The following OR1G1 variants were observed in gnomAD, a reference collection of about 807,000 sequenced individuals.
OR1G1 encodes olfactory receptor 1G1.
For missense variants in OR1G1, 347 were observed against 375.5 expected, an observed-to-expected ratio of 0.92 and a Z score of 0.63; for synonymous variants, 145 against 149.6, an observed-to-expected ratio of 0.97 and a Z score of 0.22.
At position 3,127,501 on chromosome 17, in the gene OR1G1, GA is replaced by G; in HGVS notation, c.50del (p.Phe17SerfsTer31). 1 of 1,614,120 alleles carries G rather than the reference GA, an allele frequency of 6.2e-7. No homozygotes were observed. Among genetic ancestry groups the G allele is most frequent in the East Asian group, 2.2e-5 (1 of 44,890 alleles). On this transcript the variant is annotated frameshift_variant, in exon 1 of 1. Coordinates refer to ENST00000328890, the MANE Select transcript of OR1G1 (RefSeq NM_003555.1). LOFTEE classifies it low-confidence loss of function (END_TRUNC). ...TSISECFLLG[F>X]SEQLEEQKPL... ...GCTTCTGCTCCTCCAGCTGCTCAGA[GA>G]ACCCCAGGAGGAAACATTCTGAGAT...
At position 3,127,352 on chromosome 17, in the gene OR1G1, G is replaced by C. The variant is rs867437650; in HGVS notation, c.200C>G (p.Ser67Cys). Residue 67 changes from serine (S) to cysteine (C), a missense_variant, in exon 1 of 1, where the codon TCC (serine) becomes TGC (cysteine). Ser to Cys is a moderately radical substitution (Grantham distance 112). Coordinates refer to ENST00000328890, the MANE Select transcript of OR1G1 (RefSeq NM_003555.1). ...GGACACAAAGCAGGCATCTGCAAGG[G>C]AGAGGTTGGCTAGAAAGAAGTACAT... is the stretch of plus-strand genomic sequence containing the variant. ...TPMYFFLANLSLADACFVSTT... is the reference protein window; with the variant it reads ...TPMYFFLANLCLADACFVSTT... The C allele has an allele frequency of 3.1e-6, 5 of 1,614,068 alleles. No individual in the cohort carries two copies. The highest frequency in any genetic ancestry group is 4.2e-6 in the Non-Finnish European group (5 of 1,180,044).
Position 3,127,318 on chromosome 17 carries a change from G to A in OR1G1, c.234C>T (p.Val78=), listed in dbSNP as rs775867084. ...LADACFVSTT[V]PKMLANIQIQ... ...TCTGTATGTTTGCCAGCATCTTAGG[G>A]ACTGTGGTGGACACAAAGCAGGCAT... The change falls in exon 1 of 1, where the codon GTC becomes GTT. Residue 78 remains valine, a synonymous_variant. Coordinates refer to ENST00000328890, the MANE Select transcript of OR1G1 (RefSeq NM_003555.1). The A allele has an allele frequency of 8.1e-6, 13 of 1,614,164 alleles. No individual in the cohort carries two copies. In the South Asian group the frequency reaches 1.4e-4, roughly 18 times the overall value.
At position 3,127,072 on chromosome 17, in the gene OR1G1, T is replaced by C. The variant is rs751976680; in HGVS notation, c.480A>G (p.Thr160=). 6.2e-7 allele frequency: 1 copy of C among 1,613,738 alleles called. No homozygotes were observed. Among genetic ancestry groups the C allele is most frequent in the South Asian group, 1.1e-5 (1 of 91,048 alleles). Residue 160 remains threonine (T), a synonymous_variant, in exon 1 of 1, where the codon ACA becomes ACG. Coordinates refer to ENST00000328890, the MANE Select transcript of OR1G1 (RefSeq NM_003555.1). ...AGAAGGACAGGCTGTTCATCAGAAG[T>C]GTGTGTAGAAGGGAGTGGAGGGCAT... The part of the protein sequence containing the change: ...IMNALHSLLH[T]LLMNSLSFCA...
Position 3,127,106 on chromosome 17 carries a change from C to G in OR1G1, c.446G>C (p.Trp149Ser), listed in dbSNP as rs887092596. The stretch of plus-strand genomic sequence containing the variant: ...AAGGGAGTGGAGGGCATTCATGATC[C>G]AGGATGCAGACACGAGGAAGATGCA... ...GLCIFLVSAS[W>S]IMNALHSLLH... The change falls in exon 1 of 1, where the codon TGG (tryptophan) becomes TCG (serine). Residue 149 changes from tryptophan (W) to serine (S), a missense_variant. By Grantham distance (177) the Trp-to-Ser change is radical. Coordinates refer to ENST00000328890, the MANE Select transcript of OR1G1 (RefSeq NM_003555.1). The G allele has an allele frequency of 1.7e-5, 27 of 1,613,904 alleles. No homozygotes were observed. The highest frequency in any genetic ancestry group is 2.2e-5 in the Non-Finnish European group (26 of 1,180,000).
In OR1G1 at chr17:3,127,436, A is replaced by G. The variant is rs955715100; in HGVS notation, c.116T>C (p.Val39Ala). The change falls in exon 1 of 1, where the codon GTG (valine) becomes GCG (alanine). Residue 39 changes from valine to alanine, a missense_variant. Physicochemically the swap from Val to Ala is moderately conservative, Grantham distance 64. Transcript: ENST00000328890. Reference sequence around the variant, plus strand: ...TAGAATGATGAGGAGGTTGCCTGCCACCGTGACCAAGTACATGAACAGGAA... The same window carrying G: ...TAGAATGATGAGGAGGTTGCCTGCCGCCGTGACCAAGTACATGAACAGGAA... ...GSFLFMYLVTVAGNLLIILVI... is the reference protein window; with the variant it reads ...GSFLFMYLVTAAGNLLIILVI... The G allele has an allele frequency of 7.4e-6, 12 of 1,614,064 alleles. No homozygotes were observed. Among genetic ancestry groups the G allele is most frequent in the Non-Finnish European group, 1.0e-5 (12 of 1,180,004 alleles).
Position 3,126,700 on chromosome 17 carries a change from C to T in OR1G1, c.852G>A (p.Met284Ile). The change falls in exon 1 of 1, where the codon ATG (methionine) becomes ATA (isoleucine). Residue 284 changes from methionine to isoleucine, a missense_variant. Met to Ile is a conservative substitution (Grantham distance 10). Coordinates refer to ENST00000328890, the MANE Select transcript of OR1G1 (RefSeq NM_003555.1). ...ASVMYTVVTP[M>I]LNPFIYSLRN... ...TCAAACTGTAGATAAAGGGATTCAA[C>T]ATTGGAGTTACCACTGTGTACATCA... 6.2e-7 allele frequency: 1 copy of T among 1,613,466 alleles called. No homozygotes were observed.
rs184736029 is a variant in OR1G1, at chr17:3,127,205, G to A, written c.347C>T (p.Ala116Val). ...CACGTAGCAGTCATAGGCCATGACC[G>A]CCAAGAGGAATGCCTCCAGCATCAC... The part of the protein sequence containing the change: ...LFVMLEAFLL[A>V]VMAYDCYVAI... The change falls in exon 1 of 1, where the codon GCG (alanine) becomes GTG (valine). Residue 116 changes from alanine to valine, a missense_variant. By Grantham distance (64) the Ala-to-Val change is moderately conservative. Transcript: ENST00000328890. The A allele has an allele frequency of 5.0e-5, 80 of 1,614,176 alleles. 1 individual carries two copies. Among genetic ancestry groups the A allele is most frequent in the Middle Eastern group, 1.6e-4 (1 of 6,062 alleles).
chr17:3,126,860 G>T lies in OR1G1; in HGVS notation c.692C>A (p.Ala231Asp). ...GGAAAAGGCTTTCCGCTTCCCCTGAGCTGATGGGATCTTCAGGATGGTCGA... is the reference window on the plus strand; with the variant it reads ...GGAAAAGGCTTTCCGCTTCCCCTGATCTGATGGGATCTTCAGGATGGTCGA... The part of the protein sequence containing the change: ...VFSTILKIPS[A>D]QGKRKAFSTC... Residue 231 changes from alanine to aspartate, a missense_variant, in exon 1 of 1, where the codon GCT becomes GAT. Physicochemically the swap from Ala to Asp is moderately radical, Grantham distance 126. Transcript: ENST00000328890. The T allele has an allele frequency of 1.2e-6, 2 of 1,614,160 alleles. No individual in the cohort carries two copies. Among genetic ancestry groups the T allele is most frequent in the South Asian group, 2.2e-5 (2 of 91,076 alleles).
rs1028594282 is a variant in OR1G1 at position 3,127,499 on chromosome 17, G to A, written c.53C>T (p.Ser18Phe). ...SISECFLLGF[S>F]EQLEEQKPLF... ...GGGCTTCTGCTCCTCCAGCTGCTCA[G>A]AGAACCCCAGGAGGAAACATTCTGA... Residue 18 changes from serine (S) to phenylalanine (F), a missense_variant, in exon 1 of 1, where the codon TCT (serine) becomes TTT (phenylalanine). Transcript: ENST00000328890. The A allele has an allele frequency of 6.2e-7, 1 of 1,614,054 alleles. No individual in the cohort carries two copies. The highest frequency in any genetic ancestry group is 1.3e-5 in the African/African-American group (1 of 75,028).
rs2048001068 is a variant in OR1G1 at position 3,127,096 on chromosome 17, A to G, written c.456T>C (p.Asn152=). The change falls in exon 1 of 1, where the codon AAT becomes AAC. Residue 152 remains asparagine (N), a synonymous_variant. Coordinates refer to ENST00000328890, the MANE Select transcript of OR1G1 (RefSeq NM_003555.1). ...GTGTGTGTAGAAGGGAGTGGAGGGC[A>G]TTCATGATCCAGGATGCAGACACGA... ...IFLVSASWIM[N]ALHSLLHTLL... The G allele has an allele frequency of 6.2e-7, 1 of 1,614,034 alleles. No homozygotes were observed. The highest frequency in any genetic ancestry group is 1.3e-5 in the African/African-American group (1 of 75,032).
rs201573244 is a variant in OR1G1, at chr17:3,127,044, C to T, written c.508G>A (p.Ala170Thr). Residue 170 changes from alanine (A) to threonine (T), a missense_variant, in exon 1 of 1, where the codon GCA becomes ACA. By Grantham distance (58) the Ala-to-Thr change is moderately conservative. Coordinates refer to ENST00000328890, the MANE Select transcript of OR1G1 (RefSeq NM_003555.1). ...TLLMNSLSFC[A>T]NHEIPHFFCD... ...AAGAAGTGTGGGATCTCATGGTTTG[C>T]GCAGAAGGACAGGCTGTTCATCAGA... The T allele has an allele frequency of 5.5e-5, 88 of 1,613,878 alleles. No homozygotes were observed. The highest frequency in any genetic ancestry group is 3.3e-4 in the Middle Eastern group (2 of 6,084).
At position 3,127,132 on chromosome 17, in the gene OR1G1, G is replaced by A. The variant is rs1254087035; in HGVS notation, c.420C>T (p.Leu140=). The A allele has an allele frequency of 8.7e-6, 14 of 1,614,136 alleles. No individual in the cohort carries two copies. Among genetic ancestry groups the A allele is most frequent in the Non-Finnish European group, 1.2e-5 (14 of 1,180,038 alleles). The change falls in exon 1 of 1, where the codon CTC becomes CTT. Residue 140 remains leucine (L), a synonymous_variant. Coordinates refer to ENST00000328890, the MANE Select transcript of OR1G1 (RefSeq NM_003555.1). ...AGGATGCAGACACGAGGAAGATGCA[G>A]AGCCCAGGGCTCATGATCAGAATGT... ...LHYILIMSPG[L]CIFLVSASWI... is the part of the protein sequence containing the mutation.
rs1010819591 is a variant in OR1G1 at position 3,126,746 on chromosome 17, T to A, written c.806A>T (p.Gln269Leu). Residue 269 changes from glutamine to leucine, a missense_variant, in exon 1 of 1, where the codon CAG (glutamine) becomes CTG (leucine). Coordinates refer to ENST00000328890, the MANE Select transcript of OR1G1 (RefSeq NM_003555.1). The stretch of plus-strand genomic sequence containing the variant: ...CATCACTGATGCAACTGTGTCCTTC[T>A]GGGCCGAGTGGGTTGAGGGAGAACT... ...DFSSPSTHSAQKDTVASVMYT... is the reference protein window; with the variant it reads ...DFSSPSTHSALKDTVASVMYT... The A allele has an allele frequency of 6.2e-7, 1 of 1,614,044 alleles. No individual in the cohort carries two copies. The highest frequency in any genetic ancestry group is 1.3e-5 in the African/African-American group (1 of 74,928).
Position 3,126,659 on chromosome 17 carries a change from T to A in OR1G1, c.893A>T (p.Lys298Met), listed in dbSNP as rs2047998292. 6.3e-7 allele frequency: 1 copy of A among 1,599,224 alleles called. No individual in the cohort carries two copies. The change falls in exon 1 of 1, where the codon AAG becomes ATG. Residue 298 changes from lysine (K) to methionine (M), a missense_variant. By Grantham distance (95) the Lys-to-Met change is moderately conservative (BLOSUM62 -1). Transcript: ENST00000328890. ...CCAGATTAACTTTCTCAGGGAAGAC[T>A]TTATTTCTTGGTTCCTCAAACTGTA... The part of the protein sequence containing the change: ...FIYSLRNQEI[K>M]SSLRKLIWVR...
Position 3,126,733 on chromosome 17 carries a change from A to T in OR1G1, c.819T>A (p.Val273=). The T allele has an allele frequency of 1.2e-6, 2 of 1,614,186 alleles. No individual in the cohort carries two copies. ...PSTHSAQKDT[V]ASVMYTVVTP... ...TTACCACTGTGTACATCACTGATGC[A>T]ACTGTGTCCTTCTGGGCCGAGTGGG... Residue 273 remains valine, a synonymous_variant, in exon 1 of 1, where the codon GTT becomes GTA. Transcript: ENST00000328890.
At position 3,126,670 on chromosome 17, in the gene OR1G1, G is replaced by T; in HGVS notation, c.882C>A (p.Asn294Lys). The T allele has an allele frequency of 6.2e-7, 1 of 1,601,166 alleles. No individual in the cohort carries two copies. Among genetic ancestry groups the T allele is most frequent in the Non-Finnish European group, 8.5e-7 (1 of 1,175,958 alleles). ...TTCTCAGGGAAGACTTTATTTCTTG[G>T]TTCCTCAAACTGTAGATAAAGGGAT... is the stretch of plus-strand genomic sequence containing the variant. ...MLNPFIYSLR[N>K]QEIKSSLRKL... The change falls in exon 1 of 1, where the codon AAC (asparagine) becomes AAA (lysine). Residue 294 changes from asparagine to lysine, a missense_variant. Transcript: ENST00000328890.
chr17:3,126,711 C>T lies in OR1G1; in HGVS notation c.841G>A (p.Val281Ile), dbSNP rs2047998468. 1 of 1,613,968 alleles carries T rather than the reference C, an allele frequency of 6.2e-7. No homozygotes were observed. The highest frequency in any genetic ancestry group is 8.5e-7 in the Non-Finnish European group (1 of 1,179,938). The change falls in exon 1 of 1, where the codon GTA becomes ATA. Residue 281 changes from valine (V) to isoleucine (I), a missense_variant. Val to Ile is a conservative substitution (Grantham distance 29). Transcript: ENST00000328890. ...ATAAAGGGATTCAACATTGGAGTTA[C>T]CACTGTGTACATCACTGATGCAACT... ...DTVASVMYTV[V>I]TPMLNPFIYS...
At position 3,127,255 on chromosome 17, in the gene OR1G1, T is replaced by C; in HGVS notation, c.297A>G (p.Leu99=). ...CAAATAACATGAAAAAATACAACTG[T>C]AGTAGACACCCTGAGTAGGAGATGG... is the stretch of plus-strand genomic sequence containing the variant. ...SQAISYSGCL[L]QLYFFMLFVM... Residue 99 remains leucine (L), a synonymous_variant, in exon 1 of 1, where the codon CTA becomes CTG. Coordinates refer to ENST00000328890, the MANE Select transcript of OR1G1 (RefSeq NM_003555.1). 1.2e-6 allele frequency: 2 copies of C among 1,614,094 alleles called. No homozygotes were observed. The highest frequency in any genetic ancestry group is 1.7e-6 in the Non-Finnish European group (2 of 1,180,024).
rs1467238870 is a variant in OR1G1, at chr17:3,126,699, A to G, written c.853T>C (p.Leu285=). The G allele has an allele frequency of 1.2e-6, 2 of 1,613,466 alleles. No individual in the cohort carries two copies. The highest frequency in any genetic ancestry group is 2.2e-5 in the East Asian group (1 of 44,878). ...SVMYTVVTPM[L]NPFIYSLRNQ... is the part of the protein sequence containing the mutation. ...CTCAAACTGTAGATAAAGGGATTCA[A>G]CATTGGAGTTACCACTGTGTACATC... The change falls in exon 1 of 1, where the codon TTG becomes CTG. Residue 285 remains leucine, a synonymous_variant. Transcript: ENST00000328890.
Sources: gnomAD v4.1 joint callset for allele counts on GRCh38, gnomAD v4.1.1 for gene constraint, MANE v1.5 for transcripts, NCBI Gene and HGNC (gene_info 2026-07-23, HGNC 2026-07-21) for gene names.